MACROD2: variants seen among roughly 807,000 people sequenced by gnomAD.
MACROD2 encodes mono-ADP ribosylhydrolase 2, also known as ADP-ribose glycohydrolase MACROD2.
Under a neutral mutation model 70.4 loss-of-function variants are expected in MACROD2, and 36 were observed. The ratio of observed to expected loss-of-function variants is 0.51; its 90% CI spans 0.39 to 0.68. The LOEUF is 0.68. Among genes scored for constraint, MACROD2 ranks in the 30% least tolerant of loss-of-function variants. The pLI, the probability that MACROD2 is intolerant of heterozygous loss-of-function variation, is 0.00. For synonymous variants in MACROD2, 172 were observed against 178.8 expected (o/e 0.96, Z 0.30); for missense variants, 496 against 538.4 (o/e 0.92, Z 0.78).
At chr20:14,635,993 G>A (rs1421817750) in intron 4 of MACROD2, among the ~76,000 whole-genome samples, 1 of 152,092 alleles carries the variant, frequency 6.6e-6, no homozygotes, top group African/African-American at 2.4e-5. Flanking sequence ...AATGGGAAAA[G>A]TGGAATTTGA....
intron 8 of MACROD2, among the ~76,000 whole-genome samples, chr20:15,763,462 A>G (rs2051471482): frequency 6.6e-6 from 1 of 152,244 alleles, no homozygotes; most frequent in African/African-American, 2.4e-5. Context: ...ACACACACAC[A>G]TACACACAAA....
intron 8 of MACROD2, among the ~76,000 whole-genome samples, chr20:15,600,459 T>C (rs2048803798): frequency 6.6e-6 from 1 of 152,208 alleles, no homozygotes; most frequent in South Asian, 2.1e-4. Flanking sequence ...AAGTTACCTG[T>C]AAAACCCAGG....
At chr20:15,145,612 C>T (rs1201100181) in intron 5 of MACROD2, among the ~76,000 whole-genome samples, 1 of 151,908 alleles carries the variant, frequency 6.6e-6, no homozygotes, top group African/African-American at 2.4e-5. Context: ...TAGTACAGTA[C>T]AAATAAAGAC....
chr20:15,311,373 A>C (rs1157560165), intron 6 of MACROD2, among the ~76,000 whole-genome samples: 1 of 152,224 alleles, frequency 6.6e-6, no homozygotes, highest in Non-Finnish European at 1.5e-5. Context: ...GTAGAATTGC[A>C]TGCTGGTATT....
At chr20:15,165,581 AAAACAAATTAATTCAG>A (rs1306730504) in intron 5 of MACROD2, among the ~76,000 whole-genome samples, 1 of 152,260 alleles carries the variant, frequency 6.6e-6, no homozygotes, top group Non-Finnish European at 1.5e-5. Context: ...TTGTAACCAT[AAAACAAATTAATTCAG>A]TAGTACAAAA....
chr20:14,228,096 A>C (rs113593945), intron 3 of MACROD2, among the ~76,000 whole-genome samples: 6 of 152,018 alleles, frequency 3.9e-5, no homozygotes, highest in African/African-American at 1.4e-4. Context: ...AATAAACTGA[A>C]GTGCTTAGGG....
chr20:14,088,537 G>C (rs2148671201), intron 3 of MACROD2, among the ~76,000 whole-genome samples: 1 of 152,046 alleles, frequency 6.6e-6, no homozygotes, highest in East Asian at 1.9e-4. Flanking sequence ...ATTACTCTTA[G>C]TTCTGTCCTG....
intron 6 of MACROD2, among the ~76,000 whole-genome samples, chr20:15,344,205 A>G (rs538651409): frequency 1.3e-5 from 2 of 152,234 alleles, no homozygotes; most frequent in East Asian, 3.9e-4. Context: ...CTTTCTCCCC[A>G]AGGAACAGGC....
intron 3 of MACROD2, among the ~76,000 whole-genome samples, chr20:14,357,593 C>A (rs576162970): frequency 6.6e-6 from 1 of 152,160 alleles, no homozygotes; most frequent in South Asian, 2.1e-4. Context: ...ACAAATATTT[C>A]TATGTTAAAT....
chr20:14,275,242 T>C (rs1200565342), intron 3 of MACROD2, among the ~76,000 whole-genome samples: 4 of 152,106 alleles, frequency 2.6e-5, no homozygotes, highest in Admixed American at 2.6e-4. Flanking sequence ...ACTACAAGGC[T>C]ACAGTAACCC....
intron 2 of MACROD2, among the ~76,000 whole-genome samples, chr20:14,054,128 T>A (rs995608691): frequency 6.6e-6 from 1 of 151,710 alleles, no homozygotes; most frequent in Non-Finnish European, 1.5e-5. Context: ...GGTTGTTTAC[T>A]TTTCTGCCTC....
At chr20:15,919,560 C>A (rs1380754127) in intron 10 of MACROD2, among the ~76,000 whole-genome samples, 1 of 152,084 alleles carries the variant, frequency 6.6e-6, no homozygotes, top group Non-Finnish European at 1.5e-5. Flanking sequence ...CATAGTGAAA[C>A]CCTGTTTCTA....
chr20:15,097,306 A>G (rs569461157), intron 5 of MACROD2, among the ~76,000 whole-genome samples: 4 of 152,306 alleles, frequency 2.6e-5, no homozygotes, highest in African/African-American at 7.2e-5. Flanking sequence ...TGGAGTATGT[A>G]TAGTAATAGG....
At chr20:14,049,358 G>A (rs934645564) in intron 2 of MACROD2, among the ~76,000 whole-genome samples, 1 of 151,974 alleles carries the variant, frequency 6.6e-6, no homozygotes, top group Non-Finnish European at 1.5e-5. Context: ...AGGTTCAGTG[G>A]ACCTCAAGGA....
intron 5 of MACROD2, among the ~76,000 whole-genome samples, chr20:15,143,804 C>T (rs1433405382): frequency 1.3e-5 from 2 of 151,674 alleles, no homozygotes; most frequent in East Asian, 1.9e-4. Context: ...ATCATATTCT[C>T]GATTCACAAT....
intron 15 of MACROD2, among the ~76,000 whole-genome samples, chr20:15,996,959 ATCCTT>A (rs2066640622): frequency 6.6e-6 from 1 of 152,178 alleles, no homozygotes; most frequent in Non-Finnish European, 1.5e-5. Context: ...GAAAGAGACT[ATCCTT>A]TCACTGTTGT....
intron 5 of MACROD2, among the ~76,000 whole-genome samples, chr20:14,975,582 G>C (rs192382891): frequency 8.8e-4 from 134 of 152,146 alleles, no homozygotes; most frequent in Non-Finnish European, 1.2e-4. Context: ...GAAAGGGGAG[G>C]TTGGAGATGG....
intron 5 of MACROD2, among the ~76,000 whole-genome samples, chr20:14,764,162 A>G (rs2072053906): frequency 6.6e-6 from 1 of 152,040 alleles, no homozygotes; most frequent in Admixed American, 6.6e-5. Flanking sequence ...AAGGAGAAGG[A>G]AAAGGTTGGG....
At chr20:16,014,448 C>A (rs751290518) in intron 15 of MACROD2, among the ~76,000 whole-genome samples, 7 of 152,170 alleles carry the variant, frequency 4.6e-5, no homozygotes, top group Non-Finnish European at 8.8e-5. Context: ...GATTGGAAGA[C>A]CCAAGATCAT....
Sources: gnomAD v4.1 joint callset for allele counts (sites outside exome capture counted in the v4.1 genomes callset) on GRCh38, gnomAD v4.1.1 for gene constraint, MANE v1.5 for transcripts, NCBI Gene and HGNC (gene_info 2026-07-23, HGNC 2026-07-21) for gene names.